The following JPH3 variants were observed in gnomAD, a reference collection of about 807,000 sequenced individuals.
The protein encoded by JPH3 is junctophilin-3.
Under a neutral mutation model 59.6 loss-of-function variants are expected in JPH3, and 11 were observed. The observed-to-expected ratio is 0.18, with a 90% CI of 0.12 to 0.31. The LOEUF (loss-of-function observed/expected upper bound fraction) is 0.31. Ranked by LOEUF, JPH3 falls within the 10% of genes least tolerant of loss-of-function variation. The probability of loss-of-function intolerance (pLI) is 1.00; values close to 1 mark genes in which losing one functional copy is unlikely to be tolerated. For missense variants in JPH3, 1,202 were observed against 1,105.7 expected, an observed-to-expected ratio of 1.09 and a Z score of -1.24; for synonymous variants, 673 against 483.6, an observed-to-expected ratio of 1.39 and a Z score of -5.14.
intron 1 of JPH3, among the ~76,000 whole-genome samples, chr16:87,633,552 A>G (rs1192649858): frequency 1.3e-5 from 2 of 151,956 alleles, no homozygotes; most frequent in African/African-American, 2.4e-5. Context: ...CTGTAATTCC[A>G]GTGCTTTGGG....
intron 1 of JPH3, among the ~76,000 whole-genome samples, chr16:87,639,491 G>A (rs925438399): frequency 6.6e-6 from 1 of 152,146 alleles, no homozygotes; most frequent in Non-Finnish European, 1.5e-5. Context: ...GCCGTTCTGT[G>A]GCATTAAGCA....
chr16:87,660,660 G>T (rs529619038), intron 2 of JPH3, among the ~76,000 whole-genome samples: 1 of 152,300 alleles, frequency 6.6e-6, no homozygotes, highest in Non-Finnish European at 1.5e-5. Flanking sequence ...CCTCGCAGTG[G>T]ACAGGTGAGT....
chr16:87,635,113 A>G (rs7190747), intron 1 of JPH3, among the ~76,000 whole-genome samples: 38,210 of 151,994 alleles, frequency 0.25, 5,353 homozygotes, highest in Non-Finnish European at 0.33. Context: ...GGGGCCGCAC[A>G]TGAGTGAGTG....
chr16:87,691,091 C>CCA (rs1555543748), intron 4 of JPH3, among the ~76,000 whole-genome samples: 20 of 150,048 alleles, frequency 1.3e-4, no homozygotes, highest in African/African-American at 4.8e-4. Flanking sequence ...CCAGCACCCC[C>CCA]CCCCCAAATT....
intron 2 of JPH3, among the ~76,000 whole-genome samples, chr16:87,659,879 C>A (rs764171121): frequency 3.9e-5 from 6 of 152,192 alleles, no homozygotes; most frequent in Non-Finnish European, 7.4e-5. Flanking sequence ...CTAACTCCCC[C>A]TCCCAGGTTC....
chr16:87,660,965 A>G (rs2032683561), intron 2 of JPH3, among the ~76,000 whole-genome samples: 2 of 152,222 alleles, frequency 1.3e-5, no homozygotes, highest in African/African-American at 4.8e-5. Flanking sequence ...AATGACTGGG[A>G]TCAGAAGTGT....
intron 1 of JPH3, among the ~76,000 whole-genome samples, chr16:87,605,379 G>C (rs1230862821): frequency 6.6e-6 from 1 of 152,156 alleles, no homozygotes; most frequent in African/African-American, 2.4e-5. Flanking sequence ...AGGTGTGCCA[G>C]GCTCTGGGAA....
chr16:87,689,926 G>A lies in JPH3; in HGVS notation c.1566G>A (p.Arg522=). ...GGDIQMLLEG[R]AGDCARSSWG... ...ACATCCAGATGCTCCTGGAGGGCCG[G>A]GCCGGGGACTGCGCCCGCAGCAGCT... Residue 522 remains arginine, a synonymous_variant, in exon 4 of 5, where the codon CGG becomes CGA. Transcript: ENST00000284262. 1.4e-6 allele frequency: 2 copies of A among 1,450,872 alleles called. No individual in the cohort carries two copies. The highest frequency in any genetic ancestry group is 2.9e-5 in the South Asian group (2 of 68,930). 89.9% of individuals were successfully genotyped at this position (1,450,872 alleles called of 1,614,324 possible).
intron 2 of JPH3, among the ~76,000 whole-genome samples, chr16:87,679,564 T>A (rs539294914): frequency 6.6e-6 from 1 of 152,314 alleles, no homozygotes; most frequent in East Asian, 1.9e-4. Flanking sequence ...TTGACCTTTA[T>A]GGTTTTTAAA....
rs998374423 is a variant in JPH3 at position 87,697,281 on chromosome 16, C to T, written c.*621C>T. The T allele has an allele frequency of 6.5e-6, 1 of 153,120 alleles. No homozygotes were observed. Among genetic ancestry groups the T allele is most frequent in the Admixed American group, 6.5e-5 (1 of 15,430 alleles). The allele number at this position is 153,120 out of a possible 1,614,324, so 9.5% of individuals were successfully genotyped here. A position where few individuals can be genotyped will look rare whatever the true frequency, so the allele number is the denominator to read the frequency against. Reference sequence around the variant, plus strand: ...GTGAGACGGATGCAGGTCCTTCCCTCTTCTCGGCACTGCCCCCGGCCTTCC... The same window carrying T: ...GTGAGACGGATGCAGGTCCTTCCCTTTTCTCGGCACTGCCCCCGGCCTTCC... On this transcript the variant is annotated 3_prime_UTR_variant, in exon 5 of 5. Transcript: ENST00000284262.
chr16:87,660,433 C>T (rs1377954662), intron 2 of JPH3, among the ~76,000 whole-genome samples: 1 of 152,162 alleles, frequency 6.6e-6, no homozygotes, highest in Non-Finnish European at 1.5e-5. Context: ...TCTCCCAGGG[C>T]TCTGTCCCCA....
intron 3 of JPH3, among the ~76,000 whole-genome samples, chr16:87,685,553 C>T (rs770155215): frequency 9.2e-5 from 14 of 152,356 alleles, no homozygotes; most frequent in Non-Finnish European, 1.9e-4. Context: ...GTAGCGTGCA[C>T]GTGCATGTGG....
At chr16:87,659,493 G>C (rs1249446628) in intron 2 of JPH3, among the ~76,000 whole-genome samples, 1 of 151,724 alleles carries the variant, frequency 6.6e-6, no homozygotes, top group Non-Finnish European at 1.5e-5. Context: ...AGGTTGAGGT[G>C]GGTGAATCAC....
chr16:87,661,029 G>A (rs187354493), intron 2 of JPH3, among the ~76,000 whole-genome samples: 262 of 152,322 alleles, frequency 1.7e-3, no homozygotes, highest in Middle Eastern at 3.4e-3. Context: ...ATGAGATATC[G>A]TGAGGATGGG....
chr16:87,614,698 C>A, intron 1 of JPH3, among the ~76,000 whole-genome samples: 1 of 143,662 alleles, frequency 7.0e-6, no homozygotes, highest in South Asian at 2.2e-4. Context: ...GCGTCCCCTC[C>A]CGGGATAAAC....
intron 2 of JPH3, among the ~76,000 whole-genome samples, chr16:87,649,382 C>T (rs1006452922): frequency 6.6e-6 from 1 of 152,230 alleles, no homozygotes; most frequent in South Asian, 2.1e-4. Flanking sequence ...GGCACCTTTG[C>T]ACGGCGCTGC....
intron 4 of JPH3, among the ~76,000 whole-genome samples, chr16:87,692,697 C>T (rs776158459): frequency 6.6e-6 from 1 of 152,234 alleles, no homozygotes; most frequent in Non-Finnish European, 1.5e-5. Context: ...CCCTACCGCT[C>T]TACTGGTGAA....
intron 3 of JPH3, among the ~76,000 whole-genome samples, chr16:87,685,004 G>A (rs1029422753): frequency 2.6e-5 from 4 of 152,190 alleles, no homozygotes; most frequent in South Asian, 2.1e-4. Context: ...CCCTCAACCC[G>A]AGCTCTGACC....
At chr16:87,693,342 C>G (rs1419423182) in intron 4 of JPH3, among the ~76,000 whole-genome samples, 1 of 152,230 alleles carries the variant, frequency 6.6e-6, no homozygotes. Context: ...CCTTTGCTGA[C>G]TGGGGTTCAG....
Sources: allele counts gnomAD v4.1 joint callset (sites outside exome capture counted in the v4.1 genomes callset), GRCh38; gene constraint gnomAD v4.1.1; transcripts MANE v1.5; gene names NCBI Gene and HGNC (gene_info 2026-07-23, HGNC 2026-07-21).